Variants in TSPEAR observed in about 807,000 individuals in gnomAD.
TSPEAR encodes thrombospondin type laminin G domain and EAR repeats.
In TSPEAR, 69 loss-of-function variants were observed where a neutral mutation model predicts 71.6. The observed-to-expected ratio is 0.96, with a 90% CI of 0.79 to 1.18. The LOEUF (loss-of-function observed/expected upper bound fraction) is 1.18, where lower values mean the gene tolerates loss of function less well. TSPEAR is among the 50% of genes most tolerant of loss of function. TSPEAR has a pLI of 0.00. For synonymous variants in TSPEAR, 402 were observed against 387.2 expected, an observed-to-expected ratio of 1.04 and a Z score of -0.45; for missense variants, 971 against 894.9, an observed-to-expected ratio of 1.09 and a Z score of -1.09.
At chr21:44,605,355 T>C (rs1006082061) in intron 1 of TSPEAR, among the ~76,000 whole-genome samples, 8 of 152,232 alleles carry the variant, frequency 5.3e-5, no homozygotes, top group African/African-American at 1.9e-4. Flanking sequence ...CAAGAATTAA[T>C]ATTGTTAAAA....
intron 1 of TSPEAR, among the ~76,000 whole-genome samples, chr21:44,595,894 T>G (rs1231501133): frequency 2.0e-5 from 3 of 152,254 alleles, no homozygotes; most frequent in African/African-American, 7.2e-5. Context: ...ATCTCTGTCT[T>G]GTTTACAGCT....
Position 44,509,808 on chromosome 21 carries a change from C to T in TSPEAR, c.1567-422G>A, listed in dbSNP as rs587700472. The stretch of plus-strand genomic sequence containing the variant: ...TGACTTGCTTCTCAGCAATCCATGC[C>T]TTCTCCTACTCCAGGCCCCAGTGCT... On this transcript the variant is annotated intron_variant, in intron 9 of 11. Coordinates refer to ENST00000323084, the MANE Select transcript of TSPEAR (RefSeq NM_144991.3). 2.0e-4 allele frequency: 44 copies of T among 221,348 alleles called. 2 individuals carry two copies. The South Asian group carries it at 2.8e-3, about 14-fold the overall frequency. The allele number at this position is 221,348 out of a possible 1,614,324, so 13.7% of individuals were successfully genotyped here.
At chr21:44,500,049 C>A in intron 11 of TSPEAR, 113 bp from the exon 12 acceptor site, 1 of 1,108,980 alleles carries the variant, frequency 9.0e-7, no homozygotes. Context: ...ACATCTGAGC[C>A]TCTTCCATCC....
chr21:44,574,932 T>C (rs1555923655), intron 1 of TSPEAR: 1 of 1,605,768 alleles, frequency 6.2e-7, no homozygotes, highest in African/African-American at 1.4e-5. Flanking sequence ...ACCCAGCTGC[T>C]GCCGCCCAGC....
intron 1 of TSPEAR, among the ~76,000 whole-genome samples, chr21:44,571,230 T>A (rs2053790827): frequency 6.6e-6 from 1 of 152,166 alleles, no homozygotes; most frequent in South Asian, 2.1e-4. Context: ...GACAATACGT[T>A]GTAGAGATGG....
intron 1 of TSPEAR, chr21:44,654,569 C>G: frequency 6.2e-7 from 1 of 1,604,908 alleles, no homozygotes; most frequent in Non-Finnish European, 8.5e-7. Flanking sequence ...CACGGGGAGC[C>G]AGGGCAGGCC....
In TSPEAR at chr21:44,574,372, C is replaced by T. The variant is rs200192949; in HGVS notation, c.83-6367G>A. On this transcript the variant is annotated intron_variant, in intron 1 of 11. Transcript: ENST00000323084. The stretch of plus-strand genomic sequence containing the variant: ...CAATCAGGCTGCATCAGCTCCTGCA[C>T]GCCCTCGTGCTGCCAGCAGTCTAGC... 302 of 1,608,904 alleles carry T rather than the reference C, an allele frequency of 1.9e-4. No individual in the cohort carries two copies. The African/African-American group carries it at 2.8e-3, about 15-fold the overall frequency.
chr21:44,618,762 A>G (rs1462032140), intron 1 of TSPEAR, among the ~76,000 whole-genome samples: 1 of 152,090 alleles, frequency 6.6e-6, no homozygotes, highest in Non-Finnish European at 1.5e-5. Context: ...TATTTCACCA[A>G]CTCAGACTAT....
rs782182657 is a variant in TSPEAR, at chr21:44,638,192, G to A, written c.83-70187C>T. On this transcript the variant is annotated intron_variant, in intron 1 of 11. Coordinates refer to ENST00000323084, the MANE Select transcript of TSPEAR (RefSeq NM_144991.3). ...CTGCTGACAGCCCTGGATGTGATCC[G>A]GAGTCCCTTCCCACCAGGGGCTGAC... 53 of 1,589,194 alleles carry A rather than the reference G, an allele frequency of 3.3e-5. 1 individual carries two copies. Among genetic ancestry groups the A allele is most frequent in the African/African-American group, 2.3e-4 (17 of 74,592 alleles).
At chr21:44,589,264 T>C (rs2146117383) in intron 1 of TSPEAR, among the ~76,000 whole-genome samples, 1 of 152,374 alleles carries the variant, frequency 6.6e-6, no homozygotes, top group African/African-American at 2.4e-5. Context: ...GTGTCAGTAT[T>C]GGATTCCTTT....
intron 1 of TSPEAR, among the ~76,000 whole-genome samples, chr21:44,616,665 C>A (rs587754365): frequency 4.3e-4 from 66 of 152,328 alleles, no homozygotes; most frequent in Middle Eastern, 6.8e-3. Flanking sequence ...TGGTCAGCAC[C>A]CAATTCGAGA....
intron 2 of TSPEAR, among the ~76,000 whole-genome samples, chr21:44,557,022 C>T (rs143422338): frequency 1.3e-3 from 204 of 152,298 alleles, no homozygotes; most frequent in African/African-American, 4.7e-3. Flanking sequence ...CCCTAGGGAG[C>T]ATGTGCCTGG....
chr21:44,706,821 A>G lies in TSPEAR; in HGVS notation c.82+4612T>C, dbSNP rs1278054114. ...GCCCCTGAGCCCCTGACAGTGCCCAAGCTGCCCATGGGATTGGATTCGCCA... is the reference window on the plus strand; with the variant it reads ...GCCCCTGAGCCCCTGACAGTGCCCAGGCTGCCCATGGGATTGGATTCGCCA... On this transcript the variant is annotated intron_variant, in intron 1 of 11. Transcript: ENST00000323084. Among the ~76,000 whole-genome samples the G allele has an allele frequency of 3.9e-5, 6 of 152,300 alleles. 1 individual carries two copies. The highest frequency in any genetic ancestry group is 9.6e-5 in the African/African-American group (4 of 41,572).
At chr21:44,641,888 C>G (rs1555938623) in intron 1 of TSPEAR, among the ~76,000 whole-genome samples, 2 of 152,152 alleles carry the variant, frequency 1.3e-5, no homozygotes, top group Non-Finnish European at 2.9e-5. Flanking sequence ...GGAAAATTTA[C>G]CACCCACAAT....
chr21:44,540,117 C>T (rs782420165), intron 2 of TSPEAR: 20 of 1,613,604 alleles, frequency 1.2e-5, no homozygotes, highest in Admixed American at 1.2e-4. Context: ...TCGGAGCAAG[C>T]GCTGGAGCAG....
chr21:44,678,241 C>G (rs1292756400), intron 1 of TSPEAR, among the ~76,000 whole-genome samples: 9 of 152,008 alleles, frequency 5.9e-5, no homozygotes, highest in African/African-American at 2.2e-4. Flanking sequence ...AATGTAATCC[C>G]CAGCGCTGGA....
At chr21:44,658,989 C>A (rs1985335171) in intron 1 of TSPEAR, among the ~76,000 whole-genome samples, 1 of 152,152 alleles carries the variant, frequency 6.6e-6, no homozygotes, top group Non-Finnish European at 1.5e-5. Context: ...AAACAACACC[C>A]ACCACAAATA....
chr21:44,510,231 T>C (rs1442602368), intron 9 of TSPEAR, among the ~76,000 whole-genome samples: 1 of 152,138 alleles, frequency 6.6e-6, no homozygotes, highest in Admixed American at 6.5e-5. Context: ...GCTGCTTCCC[T>C]GGGGACAGTG....
chr21:44,627,195 C>T (rs1555934546), intron 1 of TSPEAR: 1 of 1,612,976 alleles, frequency 6.2e-7, no homozygotes, highest in East Asian at 2.2e-5. Context: ...CCATGTCCAT[C>T]CGCTCCAGCG....
Sources: allele counts gnomAD v4.1 joint callset (sites outside exome capture counted in the v4.1 genomes callset), GRCh38; gene constraint gnomAD v4.1.1; transcripts MANE v1.5; gene names NCBI Gene and HGNC (gene_info 2026-07-23, HGNC 2026-07-21).